The following PREX2 variants were observed in gnomAD, a reference collection of about 807,000 sequenced individuals.
PREX2 encodes the protein phosphatidylinositol-3,4,5-trisphosphate dependent Rac exchange factor 2, also known as phosphatidylinositol 3,4,5-trisphosphate-dependent Rac exchanger 2 protein.
In PREX2, 107 loss-of-function variants were observed where a neutral mutation model predicts 203.2. The observed-to-expected ratio is 0.53, with a 90% confidence interval of 0.45 to 0.62. PREX2 has a LOEUF of 0.62. Among genes scored for constraint, PREX2 ranks in the 20% least tolerant of loss-of-function variants. The probability of loss-of-function intolerance (pLI) is 0.00; values close to 1 mark genes in which losing one functional copy is unlikely to be tolerated. For synonymous variants in PREX2, 672 were observed against 663.6 expected, an observed-to-expected ratio of 1.01 and a Z score of -0.19; for missense variants, 1,777 against 1,955.9, an observed-to-expected ratio of 0.91 and a Z score of 1.72.
At chr8:68,007,633 G>T (rs774323055) in intron 1 of PREX2, among the ~76,000 whole-genome samples, 24 of 152,032 alleles carry the variant, frequency 1.6e-4, no homozygotes, top group Admixed American at 9.2e-4. Context: ...TTTTTGAGAC[G>T]GAGTCTCGCT....
Position 68,206,094 on chromosome 8 carries a change from C to T in PREX2, c.4605-11522C>T, listed in dbSNP as rs552313743. Among the ~76,000 whole-genome samples the T allele has an allele frequency of 5.3e-5, 8 of 152,166 alleles. No individual in the cohort carries two copies. In the South Asian group the frequency reaches 6.2e-4, roughly 12 times the overall value. On this transcript the variant is annotated intron_variant, in intron 37 of 39. Coordinates refer to ENST00000288368, the MANE Select transcript of PREX2 (RefSeq NM_024870.4). ...TCTAAATATATTAATCTACGTGATT[C>T]GAATTTGGTAGAGTAGAAAGAGTCC...
intron 30 of PREX2, among the ~76,000 whole-genome samples, chr8:68,126,592 T>A (rs1305222263): frequency 1.3e-5 from 2 of 152,010 alleles, no homozygotes; most frequent in East Asian, 1.9e-4. Context: ...GTCAATTCTG[T>A]CTTTCTGACT....
chr8:68,203,269 G>C (rs562809328), intron 37 of PREX2, among the ~76,000 whole-genome samples: 53 of 152,158 alleles, frequency 3.5e-4, no homozygotes, highest in African/African-American at 1.3e-3. Context: ...GAGGAGTATC[G>C]ATGATTCTGA....
chr8:68,206,164 C>T (rs1254967444), intron 37 of PREX2, among the ~76,000 whole-genome samples: 1 of 152,088 alleles, frequency 6.6e-6, no homozygotes, highest in Non-Finnish European at 1.5e-5. Flanking sequence ...GTTGTTTACT[C>T]GCTGTGCAAG....
chr8:68,117,641 G>A (rs968416515), intron 26 of PREX2, among the ~76,000 whole-genome samples: 3 of 152,130 alleles, frequency 2.0e-5, no homozygotes, highest in Non-Finnish European at 2.9e-5. Flanking sequence ...AGTTAAGGAC[G>A]TCCTTTTTAC....
intron 5 of PREX2, among the ~76,000 whole-genome samples, chr8:68,029,301 AT>A (rs1807814752): frequency 1.3e-5 from 2 of 152,012 alleles, no homozygotes; most frequent in African/African-American, 4.8e-5. Context: ...TCCTTAGATA[AT>A]TGGACTCCAA....
Position 68,006,935 on chromosome 8 carries a change from G to T in PREX2, c.142-10911G>T, listed in dbSNP as rs1018004098. Among the ~76,000 whole-genome samples, 6 of 152,134 alleles carry T rather than the reference G, an allele frequency of 3.9e-5. No individual in the cohort carries two copies. In the South Asian group the frequency reaches 1.2e-3, roughly 32 times the overall value. ...AGACAGACACTATATTTTTTTGATG[G>T]TTAATTTTCATAACCCAGGTCAGAA... On this transcript the variant is annotated intron_variant, in intron 1 of 39. Coordinates refer to ENST00000288368, the MANE Select transcript of PREX2 (RefSeq NM_024870.4).
chr8:68,099,651 T>C (rs1454496046), intron 22 of PREX2, 31 bp from the exon 23 acceptor site: 1 of 1,603,032 alleles, frequency 6.2e-7, no homozygotes, highest in South Asian at 1.1e-5. Context: ...TGTTTGTGTG[T>C]GTGGGTGTGC....
At chr8:68,083,985 A>G (rs2129612008) in intron 18 of PREX2, among the ~76,000 whole-genome samples, 1 of 152,296 alleles carries the variant, frequency 6.6e-6, no homozygotes, top group East Asian at 1.9e-4. Flanking sequence ...AGCCATTGTT[A>G]TTCCTTTGAA....
rs190164668 is a variant in PREX2, at chr8:68,224,328, T to A, written c.4708-231T>A. ...CACTGTGCCTGGCCTGTTTTCAACATCTGAAGTATTGATCGCTTCTAGGAA... is the reference window on the plus strand; with the variant it reads ...CACTGTGCCTGGCCTGTTTTCAACAACTGAAGTATTGATCGCTTCTAGGAA... On this transcript the variant is annotated intron_variant, in intron 38 of 39. Coordinates refer to ENST00000288368, the MANE Select transcript of PREX2 (RefSeq NM_024870.4). Among the ~76,000 whole-genome samples the A allele has an allele frequency of 1.1e-4, 16 of 152,304 alleles. No homozygotes were observed. The East Asian group carries it at 3.1e-3, about 29-fold the overall frequency.
chr8:68,022,270 A>C, intron 4 of PREX2, 130 bp downstream of exon 4: 1 of 585,178 alleles, frequency 1.7e-6, no homozygotes, highest in Admixed American at 2.8e-5. Flanking sequence ...CGAGGAAGCA[A>C]GAGTCCTTTG....
intron 11 of PREX2, among the ~76,000 whole-genome samples, chr8:68,068,324 A>G (rs1809080881): frequency 6.6e-6 from 1 of 152,038 alleles, no homozygotes; most frequent in Non-Finnish European, 1.5e-5. Context: ...GGTCCTGGGA[A>G]TAGGAGTCTT....
intron 4 of PREX2, 23 bp from the exon 5 acceptor site, chr8:68,027,199 A>G: frequency 6.5e-7 from 1 of 1,533,200 alleles, no homozygotes; most frequent in South Asian, 1.1e-5. Flanking sequence ...AGATGTAATT[A>G]ATTTTGATTA....
chr8:68,053,273 C>T (rs1362077096), intron 9 of PREX2, 27 bp downstream of exon 9: 3 of 1,610,940 alleles, frequency 1.9e-6, no homozygotes, highest in South Asian at 1.1e-5. Context: ...GGCGCTGTTA[C>T]ACTTTGTGAA....
intron 27 of PREX2, 79 bp from the exon 28 acceptor site, chr8:68,119,353 G>C: frequency 2.3e-6 from 2 of 874,172 alleles, no homozygotes; most frequent in Admixed American, 3.5e-5. Context: ...ACATTTTATT[G>C]AATATTACAA....
At chr8:67,960,892 A>T (rs1429415277) in intron 1 of PREX2, among the ~76,000 whole-genome samples, 1 of 151,010 alleles carries the variant, frequency 6.6e-6, no homozygotes, top group African/African-American at 2.4e-5. Context: ...TTTAAATGTG[A>T]TTTTCTTAAA....
At chr8:68,153,290 A>G (rs1811479557) in intron 34 of PREX2, among the ~76,000 whole-genome samples, 1 of 152,212 alleles carries the variant, frequency 6.6e-6, no homozygotes, top group African/African-American at 2.4e-5. Context: ...ATTATTCTTC[A>G]GAGATTCTAT....
At position 68,231,355 on chromosome 8, in the gene PREX2, C is replaced by G; in HGVS notation, c.4798C>G (p.Pro1600Ala). ...APRLYKLCEPPPPAGEE is the reference protein window; with the variant it reads ...APRLYKLCEPAPPAGEE Reference sequence around the variant, plus strand: ...TAGGCTGTACAAGCTGTGCGAGCCACCTCCCCCAGCTGGAGAAGAATGAAA... The same window carrying G: ...TAGGCTGTACAAGCTGTGCGAGCCAGCTCCCCCAGCTGGAGAAGAATGAAA... The change falls in exon 40 of 40, where the codon CCT (proline) becomes GCT (alanine). Residue 1600 changes from proline to alanine, a missense_variant. Coordinates refer to ENST00000288368, the MANE Select transcript of PREX2 (RefSeq NM_024870.4). The G allele has an allele frequency of 1.2e-6, 2 of 1,600,526 alleles. No homozygotes were observed. Among genetic ancestry groups the G allele is most frequent in the Middle Eastern group, 3.3e-4 (2 of 6,022 alleles).
intron 1 of PREX2, among the ~76,000 whole-genome samples, chr8:67,960,820 A>G (rs2129017295): frequency 6.6e-6 from 1 of 152,158 alleles, no homozygotes; most frequent in East Asian, 1.9e-4. Flanking sequence ...TCAGGAATAG[A>G]AAAGGGAATT....
Sources: gnomAD v4.1 joint callset for allele counts (sites outside exome capture counted in the v4.1 genomes callset) on GRCh38, gnomAD v4.1.1 for gene constraint, MANE v1.5 for transcripts, NCBI Gene and HGNC (gene_info 2026-07-23, HGNC 2026-07-21) for gene names.